Variants in SHB observed in about 807,000 individuals in gnomAD.
SHB encodes SH2 domain containing adaptor protein B.
In SHB, 20 loss-of-function variants were observed where a neutral mutation model predicts 52.3. That is an observed-to-expected ratio of 0.38 (90% CI 0.27 to 0.56). The LOEUF (loss-of-function observed/expected upper bound fraction) is 0.56, where lower values mean the gene tolerates loss of function less well. Among genes scored for constraint, SHB ranks in the 20% least tolerant of loss-of-function variants. The pLI is 0.71. For missense variants in SHB, 825 were observed against 723.3 expected, an observed-to-expected ratio of 1.14 and a Z score of -1.61; for synonymous variants, 397 against 316.5, an observed-to-expected ratio of 1.25 and a Z score of -2.70.
intron 2 of SHB, among the ~76,000 whole-genome samples, chr9:37,981,547 G>A (rs952761725): frequency 4.2e-5 from 6 of 143,062 alleles, no homozygotes; most frequent in African/African-American, 1.3e-4. Context: ...TTGTGTATTC[G>A]CAGGAGTGAC....
chr9:37,986,950 G>A (rs761474494), intron 2 of SHB, among the ~76,000 whole-genome samples: 7 of 152,342 alleles, frequency 4.6e-5, no homozygotes, highest in East Asian at 3.9e-4. Flanking sequence ...TGCTGGGCAC[G>A]GTGCGGTCTC....
intron 2 of SHB, among the ~76,000 whole-genome samples, chr9:37,983,313 G>A (rs963208322): frequency 6.6e-6 from 1 of 152,224 alleles, no homozygotes; most frequent in East Asian, 1.9e-4. Flanking sequence ...AGAGGCCCAG[G>A]GAGTCAAAAG....
chr9:37,923,564 G>A (rs1465138987), intron 5 of SHB, among the ~76,000 whole-genome samples: 2 of 152,188 alleles, frequency 1.3e-5, no homozygotes, highest in African/African-American at 4.8e-5. Flanking sequence ...ATTCTCATTG[G>A]TTAAGGTCCC....
chr9:38,050,147 G>A (rs1821720964), intron 1 of SHB, among the ~76,000 whole-genome samples: 1 of 152,172 alleles, frequency 6.6e-6, no homozygotes, highest in South Asian at 2.1e-4. Context: ...TGGTCCCCAA[G>A]TCTCACCCTG....
chr9:37,992,628 T>A (rs1277165006), intron 2 of SHB, among the ~76,000 whole-genome samples: 1 of 152,128 alleles, frequency 6.6e-6, no homozygotes, highest in Non-Finnish European at 1.5e-5. Flanking sequence ...CTTTATCCCA[T>A]GCAGGGGGCT....
At chr9:37,962,357 T>C (rs927345768) in intron 3 of SHB, among the ~76,000 whole-genome samples, 3 of 152,204 alleles carry the variant, frequency 2.0e-5, no homozygotes, top group African/African-American at 7.2e-5. Flanking sequence ...GTGTCTGATG[T>C]ACAGTGGATG....
At chr9:38,013,205 T>C (rs1287431101) in intron 2 of SHB, among the ~76,000 whole-genome samples, 1 of 152,230 alleles carries the variant, frequency 6.6e-6, no homozygotes. Flanking sequence ...GAGCAGCATA[T>C]GCTAGAATGC....
chr9:37,984,346 G>A (rs1034156224), intron 2 of SHB, among the ~76,000 whole-genome samples: 19 of 152,142 alleles, frequency 1.2e-4, no homozygotes, highest in African/African-American at 4.3e-4. Flanking sequence ...CACAACTCCC[G>A]AGGCCAGTGC....
At chr9:37,929,868 T>C (rs1832293834) in intron 5 of SHB, among the ~76,000 whole-genome samples, 1 of 152,174 alleles carries the variant, frequency 6.6e-6, no homozygotes, top group African/African-American at 2.4e-5. Flanking sequence ...GGAAGGCCAA[T>C]GCGGGAGAAT....
chr9:38,058,365 G>A (rs1346156934), intron 1 of SHB, among the ~76,000 whole-genome samples: 1 of 152,160 alleles, frequency 6.6e-6, no homozygotes, highest in South Asian at 2.1e-4. Context: ...TGAATCTACT[G>A]CATCAGTGGC....
At chr9:37,924,373 C>T (rs1390853212) in intron 5 of SHB, among the ~76,000 whole-genome samples, 4 of 152,202 alleles carry the variant, frequency 2.6e-5, no homozygotes, top group Admixed American at 2.6e-4. Context: ...CGCTTTTAGA[C>T]CTAATTGCTT....
chr9:37,925,857 T>G lies in SHB; in HGVS notation c.1347-5853A>C, dbSNP rs746466380. Among the ~76,000 whole-genome samples the G allele has an allele frequency of 3.9e-5, 6 of 152,182 alleles. No homozygotes were observed. The South Asian group carries it at 1.2e-3, about 32-fold the overall frequency. On this transcript the variant is annotated intron_variant, in intron 5 of 5. Transcript: ENST00000377707. The stretch of plus-strand genomic sequence containing the variant: ...ACAGAATGAGCTTGTGCATTTAAAG[T>G]GCACTCAACCATCAGTTGCCAGATA...
At chr9:37,963,208 G>C (rs1199894118) in intron 3 of SHB, among the ~76,000 whole-genome samples, 3 of 152,210 alleles carry the variant, frequency 2.0e-5, no homozygotes, top group Non-Finnish European at 4.4e-5. Context: ...AACTGGAACG[G>C]AGCAACAGGA....
At chr9:38,001,020 T>C (rs1302029796) in intron 2 of SHB, among the ~76,000 whole-genome samples, 1 of 152,252 alleles carries the variant, frequency 6.6e-6, no homozygotes, top group Non-Finnish European at 1.5e-5. Flanking sequence ...GTGCTTGGTA[T>C]GTAAACGCAT....
Position 37,981,878 on chromosome 9 carries a change from T to C in SHB, c.839-7041A>G, listed in dbSNP as rs577250881. Among the ~76,000 whole-genome samples the C allele has an allele frequency of 1.3e-4, 20 of 152,280 alleles. 1 individual carries two copies. Among genetic ancestry groups the C allele is most frequent in the East Asian group, 1.2e-3 (6 of 5,172 alleles). ...CACATAACATTTATTAAGTTCGCCATCTTCTGTGGGTGCAGTTTGTGGTGC... is the reference window on the plus strand; with the variant it reads ...CACATAACATTTATTAAGTTCGCCACCTTCTGTGGGTGCAGTTTGTGGTGC... On this transcript the variant is annotated intron_variant, in intron 2 of 5. Transcript: ENST00000377707.
At chr9:38,022,339 G>A (rs950885270) in intron 1 of SHB, among the ~76,000 whole-genome samples, 3 of 152,116 alleles carry the variant, frequency 2.0e-5, no homozygotes, top group African/African-American at 7.2e-5. Context: ...GATGCGACGC[G>A]TCGACTGCAT....
rs35092619 is a variant in SHB at position 37,936,480 on chromosome 9, C to T, written c.1346+12155G>A. ...TGGCTCATTTTGCATGTTGTGATTA[C>T]TTTTCTCCCAAATATAATCTCCAAA... On this transcript the variant is annotated intron_variant, in intron 5 of 5. Coordinates refer to ENST00000377707, the MANE Select transcript of SHB (RefSeq NM_003028.3). Among the ~76,000 whole-genome samples the T allele has an allele frequency of 8.7e-3, 1,331 of 152,224 alleles. 21 individuals are homozygous for T. Among genetic ancestry groups the T allele is most frequent in the African/African-American group, 0.03 (1,255 of 41,532 alleles).
Position 37,953,103 on chromosome 9 carries a change from G to A in SHB, c.1226+2780C>T, listed in dbSNP as rs932653017. 4.6e-5 allele frequency among the ~76,000 whole-genome samples: 7 copies of A among 152,146 alleles called. 1 individual carries two copies. Among genetic ancestry groups the A allele is most frequent in the Admixed American group, 4.6e-4 (7 of 15,292 alleles). On this transcript the variant is annotated intron_variant, in intron 4 of 5. Coordinates refer to ENST00000377707, the MANE Select transcript of SHB (RefSeq NM_003028.3). ...AAGAGTGGCCAGGGAGGCAGGAGGAGCACCAGGCCCAGAGGCCCAGAAGGA... is the reference window on the plus strand; with the variant it reads ...AAGAGTGGCCAGGGAGGCAGGAGGAACACCAGGCCCAGAGGCCCAGAAGGA...
At chr9:38,026,894 G>C (rs973276154) in intron 1 of SHB, among the ~76,000 whole-genome samples, 9 of 152,208 alleles carry the variant, frequency 5.9e-5, no homozygotes, top group African/African-American at 2.2e-4. Flanking sequence ...CTGTGCTGGG[G>C]ATACAGAGGA....
Sources: allele counts gnomAD v4.1 joint callset (sites outside exome capture counted in the v4.1 genomes callset), GRCh38; gene constraint gnomAD v4.1.1; transcripts MANE v1.5; gene names NCBI Gene and HGNC (gene_info 2026-07-23, HGNC 2026-07-21).